Variants in NDNF observed in about 807,000 individuals in gnomAD.
NDNF encodes neuron derived neurotrophic factor.
Under a neutral mutation model 42.0 loss-of-function variants are expected in NDNF, and 16 were observed. That is an observed-to-expected ratio of 0.38 (90% CI 0.26 to 0.58). The LOEUF (loss-of-function observed/expected upper bound fraction) is 0.58, where lower values mean the gene tolerates loss of function less well. Ranked by LOEUF, NDNF falls within the 20% of genes least tolerant of loss-of-function variation. NDNF has a pLI of 0.67. For missense variants in NDNF, 616 were observed against 666.2 expected (o/e 0.92, Z 0.83); for synonymous variants, 248 against 251.7 (o/e 0.99, Z 0.14).
chr4:121,061,705 C>T (rs1243929244), intron 1 of NDNF, among the ~76,000 whole-genome samples: 1 of 151,912 alleles, frequency 6.6e-6, no homozygotes, highest in Non-Finnish European at 1.5e-5. Flanking sequence ...ATTATTTATT[C>T]GTGTATTTAT....
chr4:121,051,142 T>C (rs932347324), intron 1 of NDNF, among the ~76,000 whole-genome samples: 2 of 152,146 alleles, frequency 1.3e-5, no homozygotes, highest in Non-Finnish European at 2.9e-5. Flanking sequence ...CTGCCCACTT[T>C]CTTGCGAGCA....
intron 2 of NDNF, among the ~76,000 whole-genome samples, chr4:121,044,157 T>C (rs1334511568): frequency 6.6e-6 from 1 of 152,224 alleles, no homozygotes; most frequent in Non-Finnish European, 1.5e-5. Flanking sequence ...CTCTAGTTAA[T>C]GTAGGAAAAC....
In NDNF at chr4:121,072,255, G is replaced by A. The variant is rs1172247901; in HGVS notation, c.-264C>T. 6.5e-6 allele frequency: 1 copy of A among 152,952 alleles called. No individual in the cohort carries two copies. The highest frequency in any genetic ancestry group is 1.9e-4 in the East Asian group (1 of 5,202). The allele number at this position is 152,952 out of a possible 1,614,324, so 9.5% of individuals were successfully genotyped here. A position where few individuals can be genotyped will look rare whatever the true frequency, so the allele number is the denominator to read the frequency against. ...CGGTCGCCGAAGTTGCTGCGAAGTG[G>A]AGTAGGGAGCCGCGCGGGGCTGGGG... is the stretch of plus-strand genomic sequence containing the variant. On this transcript the variant is annotated 5_prime_UTR_variant, in exon 1 of 4. Coordinates refer to ENST00000379692, the MANE Select transcript of NDNF (RefSeq NM_024574.4).
chr4:121,041,915 T>C (rs1338450495), intron 2 of NDNF, among the ~76,000 whole-genome samples: 1 of 152,088 alleles, frequency 6.6e-6, no homozygotes, highest in African/African-American at 2.4e-5. Context: ...AAGTGGGTAG[T>C]GACAGGACAA....
chr4:121,044,886 A>T (rs957937983), intron 2 of NDNF, among the ~76,000 whole-genome samples: 3 of 152,176 alleles, frequency 2.0e-5, no homozygotes, highest in Non-Finnish European at 4.4e-5. Flanking sequence ...GGATTGATTC[A>T]TCCCGGGATG....
intron 1 of NDNF, among the ~76,000 whole-genome samples, chr4:121,059,281 C>T (rs187131387): frequency 2.6e-5 from 4 of 152,284 alleles, no homozygotes; most frequent in African/African-American, 9.6e-5. Context: ...CAGAGCCCAA[C>T]ATTAAGTAGA....
At chr4:121,055,999 C>G (rs1428686616) in intron 1 of NDNF, among the ~76,000 whole-genome samples, 1 of 152,140 alleles carries the variant, frequency 6.6e-6, no homozygotes, top group Non-Finnish European at 1.5e-5. Context: ...AAGACAGATA[C>G]AGAAGGTATG....
chr4:121,054,815 C>T (rs756260203), intron 1 of NDNF, among the ~76,000 whole-genome samples: 14 of 152,098 alleles, frequency 9.2e-5, no homozygotes, highest in Non-Finnish European at 1.2e-4. Context: ...CTGTTCTAAG[C>T]GTGTTGGGAA....
At chr4:121,066,837 G>T (rs968780612) in intron 1 of NDNF, among the ~76,000 whole-genome samples, 1 of 152,116 alleles carries the variant, frequency 6.6e-6, no homozygotes, top group Non-Finnish European at 1.5e-5. Flanking sequence ...CATATTTTTG[G>T]CTATGTTTTT....
At chr4:121,056,099 C>T (rs565872291) in intron 1 of NDNF, among the ~76,000 whole-genome samples, 7 of 152,296 alleles carry the variant, frequency 4.6e-5, no homozygotes, top group African/African-American at 1.7e-4. Flanking sequence ...TAAATAAAAC[C>T]TGTGAGCCTT....
At chr4:121,056,898 T>C (rs1038725320) in intron 1 of NDNF, among the ~76,000 whole-genome samples, 4 of 152,224 alleles carry the variant, frequency 2.6e-5, no homozygotes, top group African/African-American at 9.6e-5. Context: ...TCCAGTGATG[T>C]AGTAAGCGAT....
chr4:121,049,574 C>G (rs750984285), intron 1 of NDNF, among the ~76,000 whole-genome samples: 1 of 152,200 alleles, frequency 6.6e-6, no homozygotes, highest in Non-Finnish European at 1.5e-5. Flanking sequence ...ATCCATGAAA[C>G]TATGACAGAC....
At chr4:121,049,552 CCTT>C (rs1727154243) in intron 1 of NDNF, among the ~76,000 whole-genome samples, 2 of 152,108 alleles carry the variant, frequency 1.3e-5, no homozygotes, top group Admixed American at 6.5e-5. Flanking sequence ...GAGTATCTTG[CCTT>C]CTTCTAGCAT....
rs148222810 is a variant in NDNF at position 121,037,094 on chromosome 4, T to G, written c.877A>C (p.Ile293Leu). ...RPKVDIQKIC[I>L]GNKNIFTVSD... ...ACGGTGAAGATGTTCTTGTTTCCTA[T>G]GCAGATTTTCTGAATATCAACCTTG... Residue 293 changes from isoleucine (I) to leucine (L), a missense_variant, in exon 4 of 4, where the codon ATA becomes CTA. By Grantham distance (5) the Ile-to-Leu change is conservative. Transcript: ENST00000379692. 6.2e-7 allele frequency: 1 copy of G among 1,613,884 alleles called. No individual in the cohort carries two copies. Among genetic ancestry groups the G allele is most frequent in the Non-Finnish European group, 8.5e-7 (1 of 1,179,980 alleles).
intron 1 of NDNF, among the ~76,000 whole-genome samples, chr4:121,057,832 TG>T (rs1359483673): frequency 6.6e-6 from 1 of 152,148 alleles, no homozygotes; most frequent in Non-Finnish European, 1.5e-5. Flanking sequence ...TGCGACAGTG[TG>T]GTGTTTACTT....
Position 121,045,798 on chromosome 4 carries a change from G to A in NDNF, c.40C>T (p.Pro14Ser). 1 of 1,614,138 alleles carries A rather than the reference G, an allele frequency of 6.2e-7. No individual in the cohort carries two copies. Among genetic ancestry groups the A allele is most frequent in the Non-Finnish European group, 8.5e-7 (1 of 1,180,026 alleles). ...AACTTCTGGGTCCTTGAGCTGAGTG[G>A]AAACAGGAGCCACAGCAGGCACCAG... ...LHWCLLWLLF[P>S]LSSRTQKLPT... is the part of the protein sequence containing the mutation. The change falls in exon 2 of 4, where the codon CCA becomes TCA. Residue 14 changes from proline (P) to serine (S), a missense_variant. Coordinates refer to ENST00000379692, the MANE Select transcript of NDNF (RefSeq NM_024574.4).
intron 1 of NDNF, among the ~76,000 whole-genome samples, chr4:121,057,151 C>T (rs1727310686): frequency 6.6e-6 from 1 of 152,108 alleles, no homozygotes; most frequent in Non-Finnish European, 1.5e-5. Context: ...AGAGGGCACT[C>T]TAAAGAAAAT....
In NDNF at chr4:121,039,148, T is replaced by C. The variant is rs1189084222; in HGVS notation, c.313+782A>G. 1.0e-4 allele frequency among the ~76,000 whole-genome samples: 4 copies of C among 39,798 alleles called. 1 individual carries two copies. Among genetic ancestry groups the C allele is most frequent in the Admixed American group, 4.7e-4 (1 of 2,110 alleles). The allele number at this position is 39,798 out of a possible 152,430, so 26.1% of individuals were successfully genotyped here. On this transcript the variant is annotated intron_variant, in intron 3 of 3. Transcript: ENST00000379692. Reference sequence around the variant, plus strand: ...ATACATAGTTATATATATATGTGTATATATATATGTATATATATATATAAA... The same window carrying C: ...ATACATAGTTATATATATATGTGTACATATATATGTATATATATATATAAA...
At chr4:121,061,852 C>T (rs554258828) in intron 1 of NDNF, among the ~76,000 whole-genome samples, 3 of 152,248 alleles carry the variant, frequency 2.0e-5, no homozygotes, top group Admixed American at 6.5e-5. Context: ...CTGATTAAAC[C>T]ATGATCGGCT....
Sources: gnomAD v4.1 joint callset for allele counts (sites outside exome capture counted in the v4.1 genomes callset) on GRCh38, gnomAD v4.1.1 for gene constraint, MANE v1.5 for transcripts, NCBI Gene and HGNC (gene_info 2026-07-23, HGNC 2026-07-21) for gene names.